ARPP21: variants seen among roughly 807,000 people sequenced by gnomAD.
ARPP21 encodes the protein cAMP-regulated phosphoprotein 21.
ARPP21 carries 69 observed loss-of-function variants against 113.2 expected under a neutral mutation model. That is an observed-to-expected ratio of 0.61 (90% CI 0.50 to 0.74). ARPP21 has a LOEUF of 0.74. ARPP21 is among the 30% of genes least tolerant of loss of function. The pLI is 0.00. For synonymous variants in ARPP21, 368 were observed against 375.5 expected (o/e 0.98, Z 0.23); for missense variants, 1,070 against 1,037.4 (o/e 1.03, Z -0.43).
chr3:35,663,825 G>C (rs1334931640), intron 1 of ARPP21, among the ~76,000 whole-genome samples: 1 of 152,176 alleles, frequency 6.6e-6, no homozygotes, highest in Non-Finnish European at 1.5e-5. Flanking sequence ...TTTGGACCTG[G>C]AATGTGTGCT....
At chr3:35,687,622 A>T in intron 5 of ARPP21, 117 bp from the exon 6 acceptor site, 1 of 920,250 alleles carries the variant, frequency 1.1e-6, no homozygotes, top group East Asian at 2.9e-5. Context: ...ACCATTTAGA[A>T]AAAAAAAATC....
chr3:35,667,841 A>AAG (rs1559547262), intron 1 of ARPP21, among the ~76,000 whole-genome samples: 7,402 of 81,508 alleles, frequency 0.091, 732 homozygotes, highest in Non-Finnish European at 0.1. Flanking sequence ...TTTTATTCTC[A>AAG]AAGAAGAAGA....
intron 19 of ARPP21, among the ~76,000 whole-genome samples, chr3:35,780,024 T>A (rs2096485138): frequency 1.3e-5 from 2 of 152,218 alleles, no homozygotes; most frequent in South Asian, 4.1e-4. Flanking sequence ...TGTCCAGATT[T>A]TTTTACACTA....
intron 19 of ARPP21, among the ~76,000 whole-genome samples, chr3:35,769,517 G>T (rs554059314): frequency 3.9e-5 from 6 of 152,086 alleles, no homozygotes; most frequent in Non-Finnish European, 8.8e-5. Flanking sequence ...ACACAGCCCC[G>T]CTTTGCTTTA....
intron 19 of ARPP21, among the ~76,000 whole-genome samples, chr3:35,772,483 G>C (rs1178121584): frequency 2.0e-5 from 3 of 152,114 alleles, no homozygotes; most frequent in African/African-American, 7.2e-5. Context: ...GTCATGAGCT[G>C]ATATTCAGTT....
At chr3:35,683,938 T>A (rs2079751573) in intron 5 of ARPP21, 123 bp downstream of exon 5, 3 of 1,073,594 alleles carry the variant, frequency 2.8e-6, no homozygotes, top group Admixed American at 3.5e-5. Context: ...AATAATTCAT[T>A]TTTTGGCTTT....
At chr3:35,653,502 C>A (rs138030011) in intron 1 of ARPP21, among the ~76,000 whole-genome samples, 3 of 152,082 alleles carry the variant, frequency 2.0e-5, no homozygotes, top group Admixed American at 6.6e-5. Flanking sequence ...CTTCACAGAT[C>A]TATACTTGTG....
chr3:35,705,267 A>G (rs1276390599), intron 9 of ARPP21, among the ~76,000 whole-genome samples: 1 of 152,162 alleles, frequency 6.6e-6, no homozygotes, highest in Non-Finnish European at 1.5e-5. Flanking sequence ...GAGAATTTCT[A>G]GTGTTTACAG....
chr3:35,774,704 A>G (rs1216842832), intron 19 of ARPP21: 2 of 152,184 alleles, frequency 1.3e-5, no homozygotes, highest in East Asian at 3.9e-4. Flanking sequence ...AATTGCTTTT[A>G]TATGTGCCTA....
chr3:35,734,070 AT>A (rs1230881250), intron 15 of ARPP21, among the ~76,000 whole-genome samples: 3 of 152,030 alleles, frequency 2.0e-5, no homozygotes, highest in Non-Finnish European at 4.4e-5. Context: ...TTTCCTTTCC[AT>A]TGTGCATGTA....
chr3:35,739,939 C>T (rs1266103694), intron 18 of ARPP21, among the ~76,000 whole-genome samples: 10 of 152,192 alleles, frequency 6.6e-5, no homozygotes, highest in Admixed American at 2.0e-4. Flanking sequence ...ACCTAGGAGA[C>T]TTTCAATACT....
chr3:35,742,773 G>A (rs1427840281), intron 18 of ARPP21, among the ~76,000 whole-genome samples: 2 of 152,184 alleles, frequency 1.3e-5, no homozygotes, highest in Admixed American at 6.5e-5. Flanking sequence ...TAATTGACTT[G>A]TAATTTTATC....
intron 19 of ARPP21, 31 bp from the exon 20 acceptor site, chr3:35,792,351 A>T: frequency 6.2e-7 from 1 of 1,610,786 alleles, no homozygotes; most frequent in Non-Finnish European, 8.5e-7. Context: ...CTTTCTGCAC[A>T]ACCAGTTCAA....
intron 19 of ARPP21, among the ~76,000 whole-genome samples, chr3:35,745,115 G>A (rs527683715): frequency 6.6e-6 from 1 of 152,226 alleles, no homozygotes; most frequent in Admixed American, 6.5e-5. Context: ...ATTAGTTTGG[G>A]GAAGAATATA....
chr3:35,716,939 C>A (rs1455632728), intron 12 of ARPP21, among the ~76,000 whole-genome samples: 1 of 151,896 alleles, frequency 6.6e-6, no homozygotes, highest in Non-Finnish European at 1.5e-5. Flanking sequence ...CTCTGGAATG[C>A]CAATATTTCA....
intron 19 of ARPP21, among the ~76,000 whole-genome samples, chr3:35,768,862 C>G (rs556549985): frequency 6.6e-6 from 1 of 152,170 alleles, no homozygotes; most frequent in East Asian, 1.9e-4. Context: ...ATTTTTAAAT[C>G]CTAAATTCAC....
intron 1 of ARPP21, among the ~76,000 whole-genome samples, chr3:35,672,494 G>T (rs1353640296): frequency 1.3e-5 from 2 of 152,080 alleles, no homozygotes; most frequent in African/African-American, 4.8e-5. Context: ...CCTTTAGGTG[G>T]AGGATGCAGA....
Position 35,667,841 on chromosome 3 carries a change from A to AAGAAGAAAAGAAGAAGAAG in ARPP21, c.-212-11945_-212-11944insGAAGAAAAGAAGAAGAAGA, listed in dbSNP as rs1559547262. 9.1e-4 allele frequency among the ~76,000 whole-genome samples: 74 copies of AAGAAGAAAAGAAGAAGAAG among 81,536 alleles called. 3 individuals carry two copies. The highest frequency in any genetic ancestry group is 2.2e-3 in the African/African-American group (37 of 16,784). 53.5% of individuals were successfully genotyped at this position (81,536 alleles called of 152,430 possible). A position where few individuals can be genotyped will look rare whatever the true frequency, so the allele number is the denominator to read the frequency against. On this transcript the variant is annotated intron_variant, in intron 1 of 20. Transcript: ENST00000684406. ...GATCACCTGCAGTACTTTTATTCTC[A>AAGAAGAAAAGAAGAAGAAG]AAGAAGAAGAAGAAGAAGAAGAAGA...
At chr3:35,662,403 T>G (rs1241691001) in intron 1 of ARPP21, among the ~76,000 whole-genome samples, 1 of 152,108 alleles carries the variant, frequency 6.6e-6, no homozygotes, top group African/African-American at 2.4e-5. Flanking sequence ...GGATGTCCTG[T>G]GATGTTGCAG....
Sources: gnomAD v4.1 joint callset for allele counts (sites outside exome capture counted in the v4.1 genomes callset) on GRCh38, gnomAD v4.1.1 for gene constraint, MANE v1.5 for transcripts, NCBI Gene and HGNC (gene_info 2026-07-23, HGNC 2026-07-21) for gene names.